The following TAFA4 variants were observed in gnomAD, a reference collection of about 807,000 sequenced individuals.
TAFA4 encodes the protein chemokine-like protein TAFA-4.
A neutral mutation model predicts 21.1 loss-of-function variants in TAFA4; 20 were observed. The ratio of observed to expected loss-of-function variants is 0.95; its 90% CI spans 0.67 to 1.38. The LOEUF is 1.38. TAFA4 is among the 40% of genes most tolerant of loss of function. The probability of loss-of-function intolerance (pLI) is 0.00; values close to 1 mark genes in which losing one functional copy is unlikely to be tolerated. For synonymous variants in TAFA4, 71 were observed against 67.4 expected (o/e 1.05, Z -0.26); for missense variants, 211 against 180.9 (o/e 1.17, Z -0.95).
In TAFA4 at chr3:68,842,192, A is replaced by C. The variant is rs566780732; in HGVS notation, c.130+38538T>G. ...TGTAAAAGCCTTCCTATTTCTCCAC[A>C]TCCCCTCCAGCATCTGTTGTTTCCT... is the stretch of plus-strand genomic sequence containing the variant. On this transcript the variant is annotated intron_variant, in intron 3 of 5. Transcript: ENST00000295569. 3.3e-5 allele frequency among the ~76,000 whole-genome samples: 5 copies of C among 152,278 alleles called. No homozygotes were observed. The East Asian group carries it at 9.7e-4, about 29-fold the overall frequency.
chr3:68,742,607 C>T (rs1278675405), intron 4 of TAFA4, among the ~76,000 whole-genome samples: 6 of 152,174 alleles, frequency 3.9e-5, no homozygotes, highest in Non-Finnish European at 4.4e-5. Context: ...TAAAAGACTA[C>T]ACATGAGGTA....
chr3:68,914,492 T>C lies in TAFA4; in HGVS notation c.-123+17748A>G, dbSNP rs1377818487. The stretch of plus-strand genomic sequence containing the variant: ...CTCAAGTTTTTTAATTAGCAAAAGG[T>C]ATTAAATCAGTATATGTGATGTGAC... On this transcript the variant is annotated intron_variant, in intron 1 of 5. Transcript: ENST00000295569. Among the ~76,000 whole-genome samples, 7 of 152,332 alleles carry C rather than the reference T, an allele frequency of 4.6e-5. No individual in the cohort carries two copies. The East Asian group carries it at 7.7e-4, about 17-fold the overall frequency.
intron 3 of TAFA4, among the ~76,000 whole-genome samples, chr3:68,862,347 C>T (rs1045526978): frequency 2.6e-5 from 4 of 152,074 alleles, no homozygotes; most frequent in Non-Finnish European, 4.4e-5. Flanking sequence ...TAAAACACTC[C>T]AAGTTAAGAA....
chr3:68,886,365 GA>G (rs1258005883), intron 1 of TAFA4, among the ~76,000 whole-genome samples: 1 of 152,134 alleles, frequency 6.6e-6, no homozygotes, highest in Non-Finnish European at 1.5e-5. Context: ...AAGTTGCTCA[GA>G]AAAAACAACT....
In TAFA4 at chr3:68,794,161, T is replaced by TG. The variant is rs539742026; in HGVS notation, c.131-41144dup. 3.0e-3 allele frequency among the ~76,000 whole-genome samples: 452 copies of TG among 152,340 alleles called. 1 individual carries two copies. Among genetic ancestry groups the TG allele is most frequent in the African/African-American group, 0.01 (431 of 41,584 alleles). On this transcript the variant is annotated intron_variant, in intron 3 of 5. Coordinates refer to ENST00000295569, the MANE Select transcript of TAFA4 (RefSeq NM_182522.5). ...ACATGAGAATTTATTTTGCCATTGA[T>TG]GAGAACATGGAATTCATGTTTTAAG...
Position 68,879,750 on chromosome 3 carries a change from C to T in TAFA4, c.130+980G>A, listed in dbSNP as rs142929117. 2.7e-3 allele frequency among the ~76,000 whole-genome samples: 416 copies of T among 152,180 alleles called. 1 individual carries two copies. Among genetic ancestry groups the T allele is most frequent in the African/African-American group, 9.4e-3 (389 of 41,498 alleles). ...GACTAACCTTAAAATATCAGAATAA[C>T]GAAGTGGAAAGTATGACATGTTATA... On this transcript the variant is annotated intron_variant, in intron 3 of 5. Coordinates refer to ENST00000295569, the MANE Select transcript of TAFA4 (RefSeq NM_182522.5).
At chr3:68,900,283 CAATAATAATAATAAT>C (rs60973878) in intron 1 of TAFA4, among the ~76,000 whole-genome samples, 1 of 120,686 alleles carries the variant, frequency 8.3e-6, no homozygotes, top group African/African-American at 3.1e-5. Flanking sequence ...ATAATAATAA[CAATAATAATAATAAT>C]AATAATAATA....
chr3:68,783,761 C>T (rs75054913), intron 3 of TAFA4, among the ~76,000 whole-genome samples: 1 of 115,658 alleles, frequency 8.6e-6, no homozygotes, highest in African/African-American at 3.9e-5. Context: ...AAGAAAGAAA[C>T]AAAAACAAAG....
intron 3 of TAFA4, among the ~76,000 whole-genome samples, chr3:68,836,080 T>C (rs1410131827): frequency 6.6e-6 from 1 of 152,232 alleles, no homozygotes; most frequent in East Asian, 1.9e-4. Flanking sequence ...CATGAAGTAT[T>C]CTAAAATGAG....
At chr3:68,766,925 G>C (rs1702865272) in intron 3 of TAFA4, among the ~76,000 whole-genome samples, 1 of 152,140 alleles carries the variant, frequency 6.6e-6, no homozygotes, top group African/African-American at 2.4e-5. Flanking sequence ...AAGTAACACT[G>C]TATGCTAAAA....
At chr3:68,801,661 T>G (rs1385643991) in intron 3 of TAFA4, among the ~76,000 whole-genome samples, 3 of 152,182 alleles carry the variant, frequency 2.0e-5, no homozygotes, top group Non-Finnish European at 4.4e-5. Flanking sequence ...AACCTTTTCT[T>G]AAAAGACCGA....
chr3:68,811,940 C>G (rs1161346298), intron 3 of TAFA4, among the ~76,000 whole-genome samples: 1 of 152,038 alleles, frequency 6.6e-6, no homozygotes, highest in Non-Finnish European at 1.5e-5. Flanking sequence ...TCGGGTTACC[C>G]ACAAAGGGAA....
chr3:68,779,460 T>A (rs1311048685), intron 3 of TAFA4, among the ~76,000 whole-genome samples: 1 of 151,608 alleles, frequency 6.6e-6, no homozygotes, highest in African/African-American at 2.4e-5. Flanking sequence ...GGCCTGGAGG[T>A]TTAGGAGGAA....
At chr3:68,903,628 T>G (rs1289026298) in intron 1 of TAFA4, among the ~76,000 whole-genome samples, 1 of 152,240 alleles carries the variant, frequency 6.6e-6, no homozygotes, top group African/African-American at 2.4e-5. Context: ...TGAAAGCCAG[T>G]GAATTTTGTT....
chr3:68,784,084 AAC>A lies in TAFA4; in HGVS notation c.131-31068_131-31067del, dbSNP rs1321963088. 3.3e-5 allele frequency among the ~76,000 whole-genome samples: 5 copies of A among 152,368 alleles called. 1 individual carries two copies. The highest frequency in any genetic ancestry group is 2.6e-4 in the Admixed American group (4 of 15,308). On this transcript the variant is annotated intron_variant, in intron 3 of 5. Transcript: ENST00000295569. ...ATCCAAAGGGTCACACGTTAACAGA[AAC>A]ACAGATTGCTTGTCATCATATGAAA...
intron 3 of TAFA4, among the ~76,000 whole-genome samples, chr3:68,818,407 A>G (rs916082311): frequency 4.6e-5 from 7 of 152,242 alleles, no homozygotes; most frequent in Non-Finnish European, 8.8e-5. Context: ...TCATGTGTTC[A>G]CTGGTATGGC....
At chr3:68,826,442 G>A (rs919765478) in intron 3 of TAFA4, among the ~76,000 whole-genome samples, 3 of 152,068 alleles carry the variant, frequency 2.0e-5, no homozygotes, top group Non-Finnish European at 4.4e-5. Context: ...GCATGGTGGC[G>A]GGAGCCTGTA....
chr3:68,806,737 T>C (rs1703708391), intron 3 of TAFA4, among the ~76,000 whole-genome samples: 2 of 152,112 alleles, frequency 1.3e-5, no homozygotes, highest in African/African-American at 2.4e-5. Flanking sequence ...AGTGCCCTTA[T>C]AGGAGTCATG....
At position 68,880,762 on chromosome 3, in the gene TAFA4, G is replaced by A; in HGVS notation, c.98C>T (p.Ser33Phe). Residue 33 changes from serine to phenylalanine, a missense_variant, in exon 3 of 6, where the codon TCC (serine) becomes TTC (phenylalanine). Physicochemically the swap from Ser to Phe is radical, Grantham distance 155. Transcript: ENST00000295569. The part of the protein sequence containing the change: ...YVLMVCCKLM[S>F]ASSQHLRGHA... Reference sequence around the variant, plus strand: ...TCCCCGGAGGTGCTGGCTTGAGGCGGACATCAGCTTACAGCACACCATTAA... The same window carrying A: ...TCCCCGGAGGTGCTGGCTTGAGGCGAACATCAGCTTACAGCACACCATTAA... 1.2e-6 allele frequency: 2 copies of A among 1,613,970 alleles called. No homozygotes were observed. Among genetic ancestry groups the A allele is most frequent in the Non-Finnish European group, 1.7e-6 (2 of 1,179,954 alleles).
Sources: allele counts gnomAD v4.1 joint callset (sites outside exome capture counted in the v4.1 genomes callset), GRCh38; gene constraint gnomAD v4.1.1; transcripts MANE v1.5; gene names NCBI Gene and HGNC (gene_info 2026-07-23, HGNC 2026-07-21).